Variants in SLC24A2 observed in about 807,000 individuals in gnomAD.
SLC24A2 encodes solute carrier family 24 member 2, also known as sodium/potassium/calcium exchanger 2.
A neutral mutation model predicts 62.0 loss-of-function variants in SLC24A2; 36 were observed. The observed-to-expected ratio is 0.58, with a 90% CI of 0.44 to 0.77. The LOEUF (loss-of-function observed/expected upper bound fraction) is 0.77. SLC24A2 is among the 30% of genes least tolerant of loss of function. The pLI is 0.00. For synonymous variants in SLC24A2, 358 were observed against 294.0 expected, an observed-to-expected ratio of 1.22 and a Z score of -2.23; for missense variants, 846 against 817.9, an observed-to-expected ratio of 1.03 and a Z score of -0.42.
the SLC24A2 span, among the ~76,000 whole-genome samples, chr9:20,261,291 A>T: frequency 2.0e-5 from 3 of 152,120 alleles, no homozygotes; most frequent in African/African-American, 7.2e-5. Context: ...TTTAAAAAAA[A>T]CTGAAATGTA....
At chr9:20,206,755 A>C in the SLC24A2 span, among the ~76,000 whole-genome samples, 2 of 152,124 alleles carry the variant, frequency 1.3e-5, no homozygotes, top group African/African-American at 2.4e-5. Context: ...CTGGGATTAC[A>C]GGCGTGAGCC....
At chr9:19,928,871 G>C in the SLC24A2 span, 1 of 152,046 alleles carries the variant, frequency 6.6e-6, no homozygotes, top group Non-Finnish European at 1.5e-5. Flanking sequence ...CAGAAAAAAG[G>C]ACCCTTCCAT....
At chr9:20,047,698 C>T in the SLC24A2 span, among the ~76,000 whole-genome samples, 1 of 149,092 alleles carries the variant, frequency 6.7e-6, no homozygotes, top group South Asian at 2.2e-4. Context: ...GGAGCTAGCC[C>T]TCTGGGGTCT....
chr9:20,171,351 T>C, the SLC24A2 span, among the ~76,000 whole-genome samples: 1 of 151,730 alleles, frequency 6.6e-6, no homozygotes, highest in Non-Finnish European at 1.5e-5. Flanking sequence ...ATGAATAGAA[T>C]AGTACCTCAC....
intron 7 of SLC24A2, among the ~76,000 whole-genome samples, chr9:19,552,572 T>A (rs1187947045): frequency 2.0e-5 from 3 of 152,224 alleles, no homozygotes; most frequent in South Asian, 4.2e-4. Flanking sequence ...ATCAAGCTGA[T>A]GAGTTCATTA....
chr9:20,128,343 A>ACCC, the SLC24A2 span, among the ~76,000 whole-genome samples: 2 of 152,122 alleles, frequency 1.3e-5, no homozygotes, highest in Non-Finnish European at 2.9e-5. Flanking sequence ...ACATTAATCT[A>ACCC]ATATTTATTG....
chr9:19,883,074 T>C, the SLC24A2 span, among the ~76,000 whole-genome samples: 3 of 152,320 alleles, frequency 2.0e-5, no homozygotes, highest in Non-Finnish European at 2.9e-5. Flanking sequence ...GATTAAACAT[T>C]TGTGACTTAG....
chr9:20,089,860 C>A, the SLC24A2 span, among the ~76,000 whole-genome samples: 1 of 151,966 alleles, frequency 6.6e-6, no homozygotes, highest in Non-Finnish European at 1.5e-5. Flanking sequence ...CTAGTGAGCC[C>A]TTGACCCCCT....
At chr9:19,756,519 T>C (rs1461990322) in intron 2 of SLC24A2, among the ~76,000 whole-genome samples, 1 of 152,196 alleles carries the variant, frequency 6.6e-6, no homozygotes, top group Non-Finnish European at 1.5e-5. Flanking sequence ...TACCACAAAA[T>C]TTGATGCTGA....
chr9:19,785,773 T>C (rs1205992369), intron 2 of SLC24A2, among the ~76,000 whole-genome samples, 164 bp downstream of exon 2: 4 of 152,196 alleles, frequency 2.6e-5, no homozygotes, highest in Non-Finnish European at 5.9e-5. Flanking sequence ...AAAATTATTT[T>C]TTCCACTGCT....
At chr9:20,234,466 T>G in the SLC24A2 span, among the ~76,000 whole-genome samples, 4 of 152,334 alleles carry the variant, frequency 2.6e-5, no homozygotes, top group South Asian at 8.3e-4. Context: ...TCACACTTCA[T>G]TTCATTCATT....
the SLC24A2 span, among the ~76,000 whole-genome samples, chr9:19,931,538 C>G: frequency 6.6e-6 from 1 of 152,190 alleles, no homozygotes; most frequent in Admixed American, 6.5e-5. Context: ...ATTACTTATT[C>G]ACTTACCAAA....
At chr9:19,745,578 C>CAA (rs1167196867) in intron 2 of SLC24A2, among the ~76,000 whole-genome samples, 3 of 152,138 alleles carry the variant, frequency 2.0e-5, no homozygotes, top group Non-Finnish European at 4.4e-5. Flanking sequence ...GTGATGGCTG[C>CAA]AAGTTTCAGA....
chr9:20,268,864 G>A, the SLC24A2 span, among the ~76,000 whole-genome samples: 1 of 152,128 alleles, frequency 6.6e-6, no homozygotes, highest in African/African-American at 2.4e-5. Flanking sequence ...GTGTGTGGAG[G>A]AACTACGAAA....
the SLC24A2 span, among the ~76,000 whole-genome samples, chr9:19,797,366 T>C: frequency 3.9e-5 from 6 of 152,204 alleles, no homozygotes; most frequent in African/African-American, 1.4e-4. Context: ...ACAAGTTCCT[T>C]TTTACTATAT....
the SLC24A2 span, among the ~76,000 whole-genome samples, chr9:19,999,016 T>G: frequency 6.6e-6 from 1 of 152,174 alleles, no homozygotes; most frequent in South Asian, 2.1e-4. Flanking sequence ...CTTGGGAAAG[T>G]CAATTATTTT....
chr9:20,170,107 C>CCAGAGTATTTTGCATTTCTATAAGTGT, the SLC24A2 span, among the ~76,000 whole-genome samples: 1 of 148,860 alleles, frequency 6.7e-6, no homozygotes, highest in Non-Finnish European at 1.5e-5. Flanking sequence ...ACAAGATTTT[C>CCAGAGTATTTTGCATTTCTATAAGTGT]GAATTAACCC....
At chr9:19,831,376 T>C in the SLC24A2 span, among the ~76,000 whole-genome samples, 3 of 152,182 alleles carry the variant, frequency 2.0e-5, no homozygotes, top group Non-Finnish European at 4.4e-5. Context: ...TATAGCTCTT[T>C]TAAAATTCCC....
chr9:20,048,296 T>G, the SLC24A2 span, among the ~76,000 whole-genome samples: 1 of 152,226 alleles, frequency 6.6e-6, no homozygotes, highest in Non-Finnish European at 1.5e-5. Flanking sequence ...AGTTTATCTC[T>G]TTTCAATATA....
Sources: gnomAD v4.1 joint callset for allele counts (sites outside exome capture counted in the v4.1 genomes callset) on GRCh38, gnomAD v4.1.1 for gene constraint, MANE v1.5 for transcripts, NCBI Gene and HGNC (gene_info 2026-07-23, HGNC 2026-07-21) for gene names.